The following SYN2 variants were observed in gnomAD, a reference collection of about 807,000 sequenced individuals.
SYN2 encodes synapsin II.
SYN2 carries 19 observed loss-of-function variants against 50.9 expected under a neutral mutation model. The observed-to-expected ratio is 0.37, with a 90% CI of 0.26 to 0.55. The LOEUF is 0.55. SYN2 is among the 20% of genes least tolerant of loss of function. SYN2 has a pLI of 0.81. For missense variants in SYN2, 587 were observed against 576.4 expected (o/e 1.02, Z -0.19); for synonymous variants, 255 against 224.9 (o/e 1.13, Z -1.20).
In SYN2 at chr3:12,190,782, A is replaced by G. The variant is rs1423863655; in HGVS notation, c.*157A>G. 86 of 1,398,224 alleles carry G rather than the reference A, an allele frequency of 6.2e-5. No homozygotes were observed. Among genetic ancestry groups the G allele is most frequent in the Non-Finnish European group, 7.9e-5 (86 of 1,082,502 alleles). 86.6% of individuals were successfully genotyped at this position (1,398,224 alleles called of 1,614,324 possible). On this transcript the variant is annotated 3_prime_UTR_variant, in exon 13 of 13. Transcript: ENST00000621198. ...CTAAGTGATGTTGTGCAGCCCAGAA[A>G]GGACCATTTGACAGTCTCAGGGCAG...
At chr3:12,023,473 G>A (rs572201007) in intron 1 of SYN2, among the ~76,000 whole-genome samples, 2 of 151,966 alleles carry the variant, frequency 1.3e-5, no homozygotes, top group Non-Finnish European at 2.9e-5. Context: ...GCTTCTTTCT[G>A]CCCAAGTCTT....
intron 7 of SYN2, chr3:12,165,592 GGTTGA>G (rs1299190668): frequency 6.6e-6 from 1 of 152,180 alleles, no homozygotes; most frequent in Admixed American, 6.6e-5. Context: ...TTTTGGCTCA[GGTTGA>G]GTTGGGTATG....
chr3:12,124,416 G>T (rs1437206039), intron 1 of SYN2, among the ~76,000 whole-genome samples: 1 of 151,932 alleles, frequency 6.6e-6, no homozygotes, highest in African/African-American at 2.4e-5. Flanking sequence ...TTTTAGAAAA[G>T]AAGTTAAGGC....
intron 3 of SYN2, 52 bp from the exon 4 acceptor site, chr3:12,145,627 G>A (rs1697128289): frequency 1.4e-5 from 23 of 1,590,876 alleles, no homozygotes; most frequent in Non-Finnish European, 1.7e-5. Flanking sequence ...CCAAAATGAT[G>A]TATGGCCTGA....
chr3:12,072,057 T>C (rs951128771), intron 1 of SYN2, among the ~76,000 whole-genome samples: 2 of 152,158 alleles, frequency 1.3e-5, no homozygotes, highest in African/African-American at 2.4e-5. Flanking sequence ...CAGCACATCA[T>C]TGTGTAAGGA....
intron 1 of SYN2, among the ~76,000 whole-genome samples, chr3:12,040,792 C>A (rs1694594805): frequency 6.6e-6 from 1 of 152,076 alleles, no homozygotes; most frequent in Admixed American, 6.5e-5. Flanking sequence ...AGGACTAAGT[C>A]TCAGTGAGGA....
chr3:12,156,665 A>G (rs138388844), intron 5 of SYN2, among the ~76,000 whole-genome samples: 10 of 152,214 alleles, frequency 6.6e-5, no homozygotes, highest in African/African-American at 2.4e-4. Flanking sequence ...CTCCTAACCC[A>G]GAGGTTGTCT....
chr3:12,070,334 G>T, intron 1 of SYN2: 2 of 503,952 alleles, frequency 4.0e-6, no homozygotes, highest in South Asian at 1.6e-5. Context: ...ATCCTTAGGC[G>T]CCCCTGGCAC....
At chr3:12,126,349 C>A (rs750539737) in intron 1 of SYN2, among the ~76,000 whole-genome samples, 1 of 152,196 alleles carries the variant, frequency 6.6e-6, no homozygotes, top group Admixed American at 6.5e-5. Context: ...CTGTATTATA[C>A]GATAACTGCA....
chr3:12,044,715 A>G (rs1694698592), intron 1 of SYN2, among the ~76,000 whole-genome samples: 1 of 152,144 alleles, frequency 6.6e-6, no homozygotes, highest in African/African-American at 2.4e-5. Flanking sequence ...TGTGCTGTGA[A>G]CTATAGTACA....
intron 4 of SYN2, among the ~76,000 whole-genome samples, chr3:12,146,903 A>G (rs544863145): frequency 6.6e-6 from 1 of 152,254 alleles, no homozygotes; most frequent in South Asian, 2.1e-4. Flanking sequence ...GGCTTGCAGT[A>G]TGCAGGCCTC....
chr3:12,022,047 G>A (rs1224743798), intron 1 of SYN2, among the ~76,000 whole-genome samples: 1 of 150,562 alleles, frequency 6.6e-6, no homozygotes, highest in Admixed American at 6.6e-5. Context: ...TCCAGCCTGG[G>A]TGACAGAGTA....
intron 5 of SYN2, chr3:12,157,318 C>A: frequency 6.7e-7 from 1 of 1,499,918 alleles, no homozygotes; most frequent in Non-Finnish European, 9.2e-7. Context: ...ACCAGCCCTC[C>A]CAGAACACAG....
intron 5 of SYN2, among the ~76,000 whole-genome samples, chr3:12,161,073 T>G (rs1697635174): frequency 6.6e-6 from 1 of 152,144 alleles, no homozygotes. Flanking sequence ...ACCAGGATCA[T>G]TACAGGAAAG....
chr3:12,012,475 A>T (rs1204265935), intron 1 of SYN2, among the ~76,000 whole-genome samples: 1 of 152,214 alleles, frequency 6.6e-6, no homozygotes, highest in Non-Finnish European at 1.5e-5. Flanking sequence ...TTCTTTCTTA[A>T]CATTCTTCCC....
intron 1 of SYN2, among the ~76,000 whole-genome samples, chr3:12,103,400 A>C (rs1696117109): frequency 6.6e-6 from 1 of 152,188 alleles, no homozygotes; most frequent in Non-Finnish European, 1.5e-5. Flanking sequence ...ATAATACATA[A>C]TTATGGAATT....
intron 1 of SYN2, among the ~76,000 whole-genome samples, chr3:12,083,296 G>A (rs1289844528): frequency 6.6e-6 from 1 of 152,250 alleles, no homozygotes; most frequent in African/African-American, 2.4e-5. Context: ...ACAGGCGTGA[G>A]CCACTGCGCC....
chr3:12,171,674 C>G (rs1697939748), intron 10 of SYN2, among the ~76,000 whole-genome samples: 1 of 152,198 alleles, frequency 6.6e-6, no homozygotes, highest in African/African-American at 2.4e-5. Flanking sequence ...TAGCCCTGTC[C>G]TTGCCACTGC....
chr3:12,082,834 C>T (rs1030486694), intron 1 of SYN2, among the ~76,000 whole-genome samples: 1 of 152,134 alleles, frequency 6.6e-6, no homozygotes, highest in Non-Finnish European at 1.5e-5. Flanking sequence ...CACTCTTCAC[C>T]TATCTCCTTA....
Sources: gnomAD v4.1 joint callset for allele counts (sites outside exome capture counted in the v4.1 genomes callset) on GRCh38, gnomAD v4.1.1 for gene constraint, MANE v1.5 for transcripts, NCBI Gene and HGNC (gene_info 2026-07-23, HGNC 2026-07-21) for gene names.